The following SCGB2B2 variants were observed in gnomAD, a reference collection of about 807,000 sequenced individuals.
The protein encoded by SCGB2B2 is secretoglobin-like protein.
Under a neutral mutation model 7.6 loss-of-function variants are expected in SCGB2B2, and 11 were observed. The observed-to-expected ratio is 1.45, with a 90% confidence interval of 0.91 to 2.40. The LOEUF is 2.40. Ranked by LOEUF, SCGB2B2 falls within the 30% of genes most tolerant of loss-of-function variation. The probability of loss-of-function intolerance (pLI) is 0.00; values close to 1 mark genes in which losing one functional copy is unlikely to be tolerated. For missense variants in SCGB2B2, 104 were observed against 115.4 expected (o/e 0.90, Z 0.45); for synonymous variants, 50 against 48.6 (o/e 1.03, Z -0.12).
At chr19:34,633,764 T>A (rs1014057005) in intron 1 of SCGB2B2, among the ~76,000 whole-genome samples, 2 of 138,390 alleles carry the variant, frequency 1.4e-5, no homozygotes, top group African/African-American at 5.6e-5. Context: ...CACAGTTTAC[T>A]GCGCAACAAT....
At chr19:34,626,777 G>C (rs1410956426) in intron 1 of SCGB2B2, among the ~76,000 whole-genome samples, 1 of 152,104 alleles carries the variant, frequency 6.6e-6, no homozygotes, top group African/African-American at 2.4e-5. Context: ...GATACTCCTC[G>C]AGAAGAGCAA....
intron 1 of SCGB2B2, among the ~76,000 whole-genome samples, chr19:34,636,346 T>C (rs1260930804): frequency 6.6e-6 from 1 of 151,976 alleles, no homozygotes; most frequent in Non-Finnish European, 1.5e-5. Flanking sequence ...CATGATACAA[T>C]GGGGAGGTCT....
At chr19:34,646,332 A>T (rs1302934604) in intron 1 of SCGB2B2, 3 of 155,608 alleles carry the variant, frequency 1.9e-5, no homozygotes, top group African/African-American at 7.3e-5. Flanking sequence ...AGGGAACCAC[A>T]ATCACTACAT....
At chr19:34,588,745 GAC>G, downstream of SCGB2B2, among the ~76,000 whole-genome samples, 1 of 152,282 alleles carries the variant, frequency 6.6e-6, no homozygotes, top group East Asian at 1.9e-4. Flanking sequence ...CCATGCAGGA[GAC>G]ACACAGGGCA....
At chr19:34,659,313 G>T (rs1434991166) in intron 1 of SCGB2B2, among the ~76,000 whole-genome samples, 4 of 152,106 alleles carry the variant, frequency 2.6e-5, no homozygotes. Context: ...GAGAAAGAAA[G>T]AAAGGGTATT....
chr19:34,585,976 G>A (rs896071894), downstream of SCGB2B2, among the ~76,000 whole-genome samples: 3 of 152,136 alleles, frequency 2.0e-5, no homozygotes, highest in African/African-American at 7.2e-5. Context: ...TTGAAGTATA[G>A]TTGACATATA....
chr19:34,626,319 G>C (rs928572782), intron 1 of SCGB2B2, among the ~76,000 whole-genome samples: 13 of 152,122 alleles, frequency 8.5e-5, no homozygotes, highest in African/African-American at 3.1e-4. Flanking sequence ...TGAACTAAAG[G>C]AGGAAGTTCG....
chr19:34,610,437 C>T (rs577190790), intron 1 of SCGB2B2, among the ~76,000 whole-genome samples: 2 of 152,070 alleles, frequency 1.3e-5, no homozygotes, highest in South Asian at 2.1e-4. Flanking sequence ...ATGATTTTGG[C>T]GATGGGTTTG....
At chr19:34,666,602 A>T (rs2067630870) in intron 1 of SCGB2B2, among the ~76,000 whole-genome samples, 1 of 152,108 alleles carries the variant, frequency 6.6e-6, no homozygotes, top group Non-Finnish European at 1.5e-5. Context: ...TCCAGGTCCC[A>T]GCCAAGCCAC....
intron 1 of SCGB2B2, among the ~76,000 whole-genome samples, chr19:34,621,747 G>C (rs1427693345): frequency 6.6e-6 from 1 of 151,300 alleles, no homozygotes; most frequent in Non-Finnish European, 1.5e-5. Context: ...GGTTTGCACA[G>C]GGACAGAGAG....
At position 34,674,500 on chromosome 19, in the gene SCGB2B2, T is replaced by C. The variant is rs150728680; in HGVS notation, c.-2032+1130A>G. On this transcript the variant is annotated intron_variant, in intron 1 of 3. Transcript: ENST00000601241. ...TATTATGAAGCAACTATACCTACCA[T>C]GTTAAAAAAGTTTGGAAAATTGAAA... Among the ~76,000 whole-genome samples, 124 of 152,256 alleles carry C rather than the reference T, an allele frequency of 8.1e-4. No homozygotes were observed. The East Asian group carries it at 0.021, about 26-fold the overall frequency.
chr19:34,655,002 T>C (rs1170809098), intron 1 of SCGB2B2, among the ~76,000 whole-genome samples: 1 of 151,296 alleles, frequency 6.6e-6, no homozygotes, highest in African/African-American at 2.5e-5. Flanking sequence ...GAATAAACAA[T>C]GAGGGTACAT....
At chr19:34,613,915 G>GT (rs1247510989) in intron 1 of SCGB2B2, among the ~76,000 whole-genome samples, 5 of 152,164 alleles carry the variant, frequency 3.3e-5, no homozygotes, top group Non-Finnish European at 5.9e-5. Context: ...TGCTGGACAA[G>GT]TTTTTTCTGT....
chr19:34,588,632 G>A (rs187217746), downstream of SCGB2B2, among the ~76,000 whole-genome samples: 87 of 152,308 alleles, frequency 5.7e-4, no homozygotes, highest in Non-Finnish European at 8.7e-4. Flanking sequence ...CACAGGGGTC[G>A]GATGCTCCAT....
chr19:34,674,106 C>T lies in SCGB2B2; in HGVS notation c.-2032+1524G>A, dbSNP rs184058519. On this transcript the variant is annotated intron_variant, in intron 1 of 3. Transcript: ENST00000601241. ...TCCACTCATGAACTTAACTCATATT[C>T]CAAATATCTGAGGACTCATAATGGG... is the stretch of plus-strand genomic sequence containing the variant. 3.0e-3 allele frequency among the ~76,000 whole-genome samples: 461 copies of T among 152,268 alleles called. 3 individuals carry two copies. Among genetic ancestry groups the T allele is most frequent in the Non-Finnish European group, 4.8e-3 (329 of 68,030 alleles).
intron 1 of SCGB2B2, among the ~76,000 whole-genome samples, chr19:34,621,645 T>A (rs1395424076): frequency 6.6e-6 from 1 of 152,248 alleles, no homozygotes. Context: ...TATCCTCTTT[T>A]AATTAAGCTG....
At chr19:34,590,387 A>G (rs980350423), downstream of SCGB2B2, among the ~76,000 whole-genome samples, 37 of 130,116 alleles carry the variant, frequency 2.8e-4, 1 homozygote, top group Admixed American at 2.5e-3. Flanking sequence ...CCGTTCATCC[A>G]TCCATCCATT....
In SCGB2B2 at chr19:34,659,195, C is replaced by A. The variant is rs1379958799; in HGVS notation, c.-2032+16435G>T. Among the ~76,000 whole-genome samples, 4 of 152,104 alleles carry A rather than the reference C, an allele frequency of 2.6e-5. No homozygotes were observed. The East Asian group carries it at 7.7e-4, about 29-fold the overall frequency. On this transcript the variant is annotated intron_variant, in intron 1 of 3. Coordinates refer to ENST00000601241, the MANE Select transcript of SCGB2B2 (RefSeq NM_001025591.4). ...CACAGCCAGTATCATACTGAATGGG[C>A]AAAAACTGGAAGCATTCCCTTTGAA... is the stretch of plus-strand genomic sequence containing the variant.
intron 1 of SCGB2B2, among the ~76,000 whole-genome samples, chr19:34,654,977 G>A (rs2067245925): frequency 6.6e-6 from 1 of 151,288 alleles, no homozygotes. Context: ...CCAATCTTAT[G>A]TAAATTCTTC....
Sources: allele counts gnomAD v4.1 joint callset (sites outside exome capture counted in the v4.1 genomes callset), GRCh38; gene constraint gnomAD v4.1.1; transcripts MANE v1.5; gene names NCBI Gene and HGNC (gene_info 2026-07-23, HGNC 2026-07-21).